The following ABCA13 variants were observed in gnomAD, a reference collection of about 807,000 sequenced individuals.
ABCA13 encodes the protein ATP binding cassette subfamily A member 13.
In ABCA13, 476 loss-of-function variants were observed where a neutral mutation model predicts 478.7. The ratio of observed to expected loss-of-function variants is 0.99; its 90% CI spans 0.92 to 1.07. ABCA13 has a LOEUF of 1.07. Ranked by LOEUF, ABCA13 falls within the 50% of genes least tolerant of loss-of-function variation. ABCA13 has a pLI of 0.00. For synonymous variants in ABCA13, 2,252 were observed against 2,158.9 expected (o/e 1.04, Z -1.20); for missense variants, 6,060 against 5,910.6 (o/e 1.03, Z -0.83).
intron 27 of ABCA13, among the ~76,000 whole-genome samples, chr7:48,333,444 T>C (rs1805718575): frequency 6.6e-6 from 1 of 152,246 alleles, no homozygotes; most frequent in African/African-American, 2.4e-5. Flanking sequence ...TGTCTCAATA[T>C]TGGCATCAAT....
chr7:48,525,651 G>A (rs1832836415), intron 54 of ABCA13, among the ~76,000 whole-genome samples: 1 of 141,316 alleles, frequency 7.1e-6, no homozygotes, highest in Admixed American at 7.1e-5. Context: ...GCCCAGCAAG[G>A]CCTCTCTGTT....
chr7:48,629,620 A>G (rs986219603), intron 59 of ABCA13, among the ~76,000 whole-genome samples: 6 of 147,700 alleles, frequency 4.1e-5, no homozygotes, highest in African/African-American at 1.5e-4. Flanking sequence ...AAAAAAACTC[A>G]GTGGCTTAAA....
At chr7:48,405,834 C>T (rs1452505937) in intron 39 of ABCA13, among the ~76,000 whole-genome samples, 1 of 147,426 alleles carries the variant, frequency 6.8e-6, no homozygotes, top group Non-Finnish European at 1.5e-5. Flanking sequence ...TTCTCACTGT[C>T]CTTCGTTGTT....
Position 48,198,294 on chromosome 7 carries a change from T to G in ABCA13, c.221T>G (p.Leu74Arg). 1.2e-6 allele frequency: 2 copies of G among 1,613,798 alleles called. No homozygotes were observed. The highest frequency in any genetic ancestry group is 8.5e-7 in the Non-Finnish European group (1 of 1,179,810). The part of the protein sequence containing the change: ...SCGVIPFVQS[L>R]LCNTGSRCRN... ...GGTGTTATCCCCTTTGTTCAAAGCC[T>G]TCTTTGTAACACTGGATCAAGGTGT... The change falls in exon 3 of 62, where the codon CTT becomes CGT. Residue 74 changes from leucine to arginine, a missense_variant. Coordinates refer to ENST00000435803, the MANE Select transcript of ABCA13 (RefSeq NM_152701.5).
chr7:48,360,100 T>C (rs954059033), intron 31 of ABCA13, among the ~76,000 whole-genome samples: 15 of 152,128 alleles, frequency 9.9e-5, no homozygotes, highest in African/African-American at 2.7e-4. Context: ...TGCAGGTTTG[T>C]TACATATGTA....
chr7:48,582,444 T>C (rs1018867816), intron 56 of ABCA13, among the ~76,000 whole-genome samples: 1 of 152,194 alleles, frequency 6.6e-6, no homozygotes, highest in African/African-American at 2.4e-5. Context: ...TCAACATGTG[T>C]GCCTCACCTC....
At chr7:48,385,260 A>G (rs566492322) in intron 35 of ABCA13, among the ~76,000 whole-genome samples, 1 of 152,232 alleles carries the variant, frequency 6.6e-6, no homozygotes, top group African/African-American at 2.4e-5. Flanking sequence ...CCTAGTACCC[A>G]TCAGTTATTT....
At chr7:48,502,996 C>T (rs1830890733) in intron 48 of ABCA13, among the ~76,000 whole-genome samples, 1 of 152,168 alleles carries the variant, frequency 6.6e-6, no homozygotes, top group Admixed American at 6.6e-5. Context: ...TCTAATTTCT[C>T]AGCAAATGTT....
chr7:48,436,306 G>A (rs918593938), intron 42 of ABCA13, among the ~76,000 whole-genome samples: 8 of 151,772 alleles, frequency 5.3e-5, no homozygotes, highest in African/African-American at 1.9e-4. Context: ...CATCAAATAT[G>A]TTGGTACACA....
At chr7:48,560,967 T>C (rs2131262529) in intron 55 of ABCA13, among the ~76,000 whole-genome samples, 1 of 152,282 alleles carries the variant, frequency 6.6e-6, no homozygotes, top group East Asian at 1.9e-4. Context: ...TGTTTTTCTG[T>C]ATTTGACTTA....
At chr7:48,332,171 G>C (rs926011511) in intron 27 of ABCA13, among the ~76,000 whole-genome samples, 1 of 152,132 alleles carries the variant, frequency 6.6e-6, no homozygotes, top group African/African-American at 2.4e-5. Flanking sequence ...GTTGTTTCCA[G>C]CTTTTGGCTA....
intron 7 of ABCA13, 21 bp downstream of exon 7, chr7:48,229,976 T>C: frequency 6.2e-7 from 1 of 1,606,792 alleles, no homozygotes; most frequent in Middle Eastern, 1.7e-4. Context: ...CTTGTAGCTA[T>C]TGCTATATTT....
chr7:48,410,706 G>A (rs1563207064), intron 40 of ABCA13, 29 bp downstream of exon 40: 9 of 1,593,980 alleles, frequency 5.6e-6, no homozygotes, highest in Non-Finnish European at 6.8e-6. Flanking sequence ...CTATCTCACT[G>A]AAGTCCCATT....
At chr7:48,433,887 T>G (rs1481312290) in intron 42 of ABCA13, among the ~76,000 whole-genome samples, 1 of 152,158 alleles carries the variant, frequency 6.6e-6, no homozygotes, top group African/African-American at 2.4e-5. Flanking sequence ...TTCCATTATA[T>G]GTATGTATCA....
intron 29 of ABCA13, among the ~76,000 whole-genome samples, chr7:48,342,866 C>G (rs955977957): frequency 5.9e-5 from 9 of 152,090 alleles, no homozygotes; most frequent in African/African-American, 2.2e-4. Context: ...TTAAACATAC[C>G]AATGAAGTTC....
chr7:48,385,184 G>T (rs1814990074), intron 35 of ABCA13, among the ~76,000 whole-genome samples: 1 of 152,114 alleles, frequency 6.6e-6, no homozygotes, highest in South Asian at 2.1e-4. Context: ...GTGCAGGTTT[G>T]TTACATAGGT....
At chr7:48,303,617 A>C (rs1341425412) in intron 23 of ABCA13, among the ~76,000 whole-genome samples, 1 of 151,992 alleles carries the variant, frequency 6.6e-6, no homozygotes, top group Non-Finnish European at 1.5e-5. Flanking sequence ...TGTTTTTGTC[A>C]GGTTTGTCGA....
chr7:48,279,510 G>GA lies in ABCA13; in HGVS notation c.8320dup (p.Thr2774AsnfsTer13). 4.3e-6 allele frequency: 7 copies of GA among 1,613,196 alleles called. No individual in the cohort carries two copies. The highest frequency in any genetic ancestry group is 5.9e-6 in the Non-Finnish European group (7 of 1,179,530). On this transcript the variant is annotated frameshift_variant, in exon 18 of 62. Transcript: ENST00000435803. LOFTEE classifies it high-confidence loss of function. ...TTACTCAGCATCCAAATAACCTTTTGAAAACCATAGAAACAGTTTTAGAGG... is the reference window on the plus strand; with the variant it reads ...TTACTCAGCATCCAAATAACCTTTTGAAAAACCATAGAAACAGTTTTAGAGG...
chr7:48,439,992 T>C (rs1368696862), intron 42 of ABCA13, among the ~76,000 whole-genome samples: 1 of 152,176 alleles, frequency 6.6e-6, no homozygotes, highest in African/African-American at 2.4e-5. Context: ...CTAAACTGAA[T>C]TTCCGCAACT....
Sources: gnomAD v4.1 joint callset for allele counts (sites outside exome capture counted in the v4.1 genomes callset) on GRCh38, gnomAD v4.1.1 for gene constraint, MANE v1.5 for transcripts, NCBI Gene and HGNC (gene_info 2026-07-23, HGNC 2026-07-21) for gene names.